The following ADAM22 variants were observed in gnomAD, a reference collection of about 807,000 sequenced individuals.
ADAM22 encodes the protein ADAM metallopeptidase domain 22.
Under a neutral mutation model 144.6 loss-of-function variants are expected in ADAM22, and 65 were observed. The ratio of observed to expected loss-of-function variants is 0.45; its 90% confidence interval spans 0.37 to 0.55. The LOEUF is 0.55. ADAM22 is among the 20% of genes least tolerant of loss of function. ADAM22 has a pLI of 0.00. For missense variants in ADAM22, 974 were observed against 1,184.9 expected (o/e 0.82, Z 2.61); for synonymous variants, 391 against 412.6 (o/e 0.95, Z 0.63).
chr7:88,078,276 C>G (rs1053773545), intron 4 of ADAM22, among the ~76,000 whole-genome samples: 5 of 152,194 alleles, frequency 3.3e-5, no homozygotes, highest in African/African-American at 1.2e-4. Context: ...TCCAACAGAC[C>G]TGCAGCTGAG....
chr7:88,002,424 G>C (rs79747331), intron 3 of ADAM22, among the ~76,000 whole-genome samples: 2 of 152,140 alleles, frequency 1.3e-5, no homozygotes, highest in East Asian at 3.9e-4. Context: ...GCTGGGTGTG[G>C]AATCCATCCC....
In ADAM22 at chr7:87,987,180, T is replaced by C. The variant is rs1353311089; in HGVS notation, c.323+8768T>C. 3.3e-5 allele frequency among the ~76,000 whole-genome samples: 5 copies of C among 152,268 alleles called. No homozygotes were observed. The South Asian group carries it at 8.3e-4, about 25-fold the overall frequency. On this transcript the variant is annotated intron_variant, in intron 3 of 31. Coordinates refer to ENST00000413139, the MANE Select transcript of ADAM22 (RefSeq NM_001324418.2). ...TCTCCCAGGTGTCAAATTACTATTATTATTTTAATTATTTTTTTTGGACAG... is the reference window on the plus strand; with the variant it reads ...TCTCCCAGGTGTCAAATTACTATTACTATTTTAATTATTTTTTTTGGACAG...
At chr7:88,080,787 G>C (rs1002035327) in intron 4 of ADAM22, among the ~76,000 whole-genome samples, 7 of 152,146 alleles carry the variant, frequency 4.6e-5, no homozygotes, top group African/African-American at 1.4e-4. Flanking sequence ...ACTCTCCCAA[G>C]ACTAAACCAG....
chr7:88,190,435 T>C (rs1849364572), intron 30 of ADAM22, among the ~76,000 whole-genome samples: 1 of 152,070 alleles, frequency 6.6e-6, no homozygotes, highest in South Asian at 2.1e-4. Context: ...CTCGGGAGGC[T>C]GAGGCAGGAG....
intron 4 of ADAM22, among the ~76,000 whole-genome samples, chr7:88,104,701 A>T (rs1823882078): frequency 6.6e-6 from 1 of 152,110 alleles, no homozygotes; most frequent in African/African-American, 2.4e-5. Flanking sequence ...CCTGAAAAAT[A>T]TTACAGCACA....
At chr7:88,191,355 A>G (rs1485202066) in intron 30 of ADAM22, among the ~76,000 whole-genome samples, 1 of 152,264 alleles carries the variant, frequency 6.6e-6, no homozygotes, top group Non-Finnish European at 1.5e-5. Flanking sequence ...GTGGACACAC[A>G]TGCTGCAGCA....
In ADAM22 at chr7:88,114,782, C is replaced by T. The variant is rs529752739; in HGVS notation, c.537+135C>T. The T allele has an allele frequency of 3.4e-5, 25 of 731,252 alleles. No homozygotes were observed. The East Asian group carries it at 6.7e-4, about 19-fold the overall frequency. 45.3% of individuals were successfully genotyped at this position (731,252 alleles called of 1,614,324 possible). A position where few individuals can be genotyped will look rare whatever the true frequency, so the allele number is the denominator to read the frequency against. ...AAGATAGTAAACATATGTACAGATG[C>T]TCCTCAACTTATGATGGGTCTATGT... On this transcript the variant is annotated intron_variant, in intron 6 of 31. Transcript: ENST00000413139.
intron 3 of ADAM22, among the ~76,000 whole-genome samples, chr7:87,995,284 G>A (rs1423462383): frequency 6.6e-6 from 1 of 152,140 alleles, no homozygotes; most frequent in Non-Finnish European, 1.5e-5. Flanking sequence ...GTGTCTAGAA[G>A]GACTTTCCTT....
intron 2 of ADAM22, among the ~76,000 whole-genome samples, chr7:87,946,680 T>G (rs1843746801): frequency 1.3e-5 from 2 of 152,218 alleles, no homozygotes; most frequent in South Asian, 4.1e-4. Flanking sequence ...GCTTTGTTTC[T>G]GGGCTCTCTA....
chr7:88,132,415 T>C (rs1832035738), intron 11 of ADAM22: 1 of 152,730 alleles, frequency 6.5e-6, no homozygotes, highest in Non-Finnish European at 1.5e-5. Context: ...ACATTGCATT[T>C]AATCATCATG....
intron 4 of ADAM22, among the ~76,000 whole-genome samples, chr7:88,094,329 C>T (rs1158470090): frequency 1.3e-5 from 2 of 152,126 alleles, no homozygotes; most frequent in Non-Finnish European, 2.9e-5. Context: ...CAAAAAATAA[C>T]AGGTGAATGA....
chr7:88,154,846 C>CT (rs1484309016), intron 21 of ADAM22, among the ~76,000 whole-genome samples: 11 of 151,942 alleles, frequency 7.2e-5, no homozygotes, highest in Non-Finnish European at 1.5e-4. Context: ...GTGAAAAATA[C>CT]AGGTTCTAAT....
At chr7:88,159,438 G>T (rs1375968496) in intron 22 of ADAM22, among the ~76,000 whole-genome samples, 2 of 151,924 alleles carry the variant, frequency 1.3e-5, no homozygotes, top group Non-Finnish European at 2.9e-5. Flanking sequence ...CAAAAACATG[G>T]CAGAGACTCT....
At chr7:87,995,411 C>G (rs1475634412) in intron 3 of ADAM22, among the ~76,000 whole-genome samples, 1 of 152,174 alleles carries the variant, frequency 6.6e-6, no homozygotes. Context: ...CCATGTCTTC[C>G]TCATTTAACT....
At chr7:88,153,505 T>C (rs1430574345) in intron 21 of ADAM22, among the ~76,000 whole-genome samples, 179 bp downstream of exon 21, 2 of 152,230 alleles carry the variant, frequency 1.3e-5, no homozygotes, top group Non-Finnish European at 2.9e-5. Flanking sequence ...CTTGAACATG[T>C]GTGCTCACCT....
intron 2 of ADAM22, among the ~76,000 whole-genome samples, chr7:87,974,328 TAAAAG>T (rs1161199853): frequency 4.8e-5 from 7 of 145,248 alleles, no homozygotes; most frequent in South Asian, 2.2e-4. Context: ...AGAAAAAAAA[TAAAAG>T]AAAAGAAGCA....
chr7:88,057,429 T>G (rs1808583971), intron 3 of ADAM22, among the ~76,000 whole-genome samples: 1 of 152,256 alleles, frequency 6.6e-6, no homozygotes. Context: ...CTGTTTTTTC[T>G]TGTATGTCAC....
chr7:88,173,494 A>G (rs899102119), intron 26 of ADAM22, among the ~76,000 whole-genome samples: 1 of 152,118 alleles, frequency 6.6e-6, no homozygotes, highest in Non-Finnish European at 1.5e-5. Flanking sequence ...TTGTGAATGT[A>G]TAAGTGTTTT....
At chr7:88,167,296 C>A (rs1458772105) in intron 24 of ADAM22, among the ~76,000 whole-genome samples, 5 of 152,154 alleles carry the variant, frequency 3.3e-5, no homozygotes, top group Admixed American at 3.3e-4. Context: ...TTCAGATCAG[C>A]CTTTTCTGCC....
Sources: allele counts gnomAD v4.1 joint callset (sites outside exome capture counted in the v4.1 genomes callset), GRCh38; gene constraint gnomAD v4.1.1; transcripts MANE v1.5; gene names NCBI Gene and HGNC (gene_info 2026-07-23, HGNC 2026-07-21).